KIAA1217: variants seen among roughly 807,000 people sequenced by gnomAD.
KIAA1217 encodes sickle tail protein homolog.
A neutral mutation model predicts 163.9 loss-of-function variants in KIAA1217; 88 were observed. The ratio of observed to expected loss-of-function variants is 0.54; its 90% CI spans 0.45 to 0.64. The LOEUF (loss-of-function observed/expected upper bound fraction) is 0.64. Among genes scored for constraint, KIAA1217 ranks in the 30% least tolerant of loss-of-function variants. The pLI, the probability that KIAA1217 is intolerant of heterozygous loss-of-function variation, is 0.00. For synonymous variants in KIAA1217, 903 were observed against 923.1 expected, an observed-to-expected ratio of 0.98 and a Z score of 0.39; for missense variants, 2,372 against 2,475.0, an observed-to-expected ratio of 0.96 and a Z score of 0.88.
chr10:24,439,237 G>A (rs1046529618), intron 5 of KIAA1217, among the ~76,000 whole-genome samples: 4 of 151,974 alleles, frequency 2.6e-5, no homozygotes, highest in Non-Finnish European at 5.9e-5. Flanking sequence ...AAACTGGGAG[G>A]TAAAAAGAAG....
intron 3 of KIAA1217, among the ~76,000 whole-genome samples, chr10:24,389,841 A>G (rs564292259): frequency 2.6e-5 from 4 of 152,026 alleles, no homozygotes; most frequent in Non-Finnish European, 5.9e-5. Flanking sequence ...GTTTTTTTTC[A>G]GCATTATTTG....
chr10:24,000,328 TAGTG>T (rs1301770989), intron 1 of KIAA1217, among the ~76,000 whole-genome samples: 1 of 152,094 alleles, frequency 6.6e-6, no homozygotes, highest in African/African-American at 2.4e-5. Flanking sequence ...GTTCTAGTAA[TAGTG>T]AGTGATTTAT....
chr10:23,949,442 T>C (rs927827162), intron 1 of KIAA1217, among the ~76,000 whole-genome samples: 8 of 152,232 alleles, frequency 5.3e-5, no homozygotes, highest in African/African-American at 1.7e-4. Context: ...CTGTGTGACA[T>C]ACGCATGGTG....
Position 23,695,251 on chromosome 10 carries a change from T to G in KIAA1217, c.-321+17T>G, listed in dbSNP as rs879531720. ...CGGCCCGAAGTAAGTGCAGCAGAAG[T>G]TTGCGTCGGTTGCCCCGCCGCTCCC... On this transcript the variant is annotated intron_variant, in intron 1 of 18. Coordinates refer to the KIAA1217 transcript ENST00000376462. This position sits in a 1 kb window ranked among gnomAD's most constrained non-coding sequence, Gnocchi z 4.9. 6.6e-6 allele frequency: 1 copy of G among 152,298 alleles called. No homozygotes were observed. Among genetic ancestry groups the G allele is most frequent in the African/African-American group, 2.4e-5 (1 of 41,438 alleles). The allele number at this position is 152,298 out of a possible 1,614,324, so 9.4% of individuals were successfully genotyped here.
intron 2 of KIAA1217, among the ~76,000 whole-genome samples, chr10:24,239,552 C>T (rs1047912494): frequency 6.8e-6 from 1 of 147,858 alleles, no homozygotes; most frequent in Non-Finnish European, 1.5e-5. Flanking sequence ...TGAAAACAAG[C>T]GATGCATTGT....
chr10:23,768,235 T>C (rs1834627826), intron 1 of KIAA1217, among the ~76,000 whole-genome samples: 1 of 152,216 alleles, frequency 6.6e-6, no homozygotes, highest in Non-Finnish European at 1.5e-5. Flanking sequence ...GCATGGTCTC[T>C]TTTATGGTCA....
chr10:23,959,909 T>G lies in KIAA1217; in HGVS notation c.-320-47316T>G, dbSNP rs1273577201. Among the ~76,000 whole-genome samples, 3 of 147,060 alleles carry G rather than the reference T, an allele frequency of 2.0e-5. No individual in the cohort carries two copies. The South Asian group carries it at 6.5e-4, about 32-fold the overall frequency. ...TACTTCAGAGAGGAAGGTCATAGACTTCTTTTTTTTTTTTTTTTTTTTTTG... is the reference window on the plus strand; with the variant it reads ...TACTTCAGAGAGGAAGGTCATAGACGTCTTTTTTTTTTTTTTTTTTTTTTG... On this transcript the variant is annotated intron_variant, in intron 1 of 18. Transcript: ENST00000376462.
intron 1 of KIAA1217, among the ~76,000 whole-genome samples, chr10:23,978,395 T>C (rs1353091211): frequency 6.6e-6 from 1 of 152,200 alleles, no homozygotes; most frequent in Non-Finnish European, 1.5e-5. Flanking sequence ...TTTCTGTGAC[T>C]AGGAAACAAG....
intron 1 of KIAA1217, among the ~76,000 whole-genome samples, chr10:23,949,973 A>G (rs1006124540): frequency 6.6e-6 from 1 of 152,186 alleles, no homozygotes; most frequent in South Asian, 2.1e-4. Context: ...TTGCATGCTT[A>G]TAAGACTCCT....
chr10:24,364,833 A>G (rs1352321819), intron 2 of KIAA1217, among the ~76,000 whole-genome samples: 1 of 149,962 alleles, frequency 6.7e-6, no homozygotes, highest in South Asian at 2.1e-4. Flanking sequence ...TCTGTTGCCC[A>G]AGCTGGAGTA....
At chr10:23,941,796 A>G (rs2131336378) in intron 1 of KIAA1217, among the ~76,000 whole-genome samples, 1 of 152,306 alleles carries the variant, frequency 6.6e-6, no homozygotes, top group Admixed American at 6.5e-5. Context: ...GTCATGTTAG[A>G]GGGCCTTGGT....
At chr10:24,516,725 G>A (rs527499424) in intron 10 of KIAA1217, among the ~76,000 whole-genome samples, 1 of 152,314 alleles carries the variant, frequency 6.6e-6, no homozygotes, top group South Asian at 2.1e-4. Flanking sequence ...CATATGGGAA[G>A]CTACTGTATC....
chr10:24,494,858 G>T (rs2066585073), intron 7 of KIAA1217: 4 of 574,386 alleles, frequency 7.0e-6, no homozygotes. Context: ...AGTGCATGTG[G>T]CTTCATGGAC....
At chr10:23,894,740 A>G (rs1417554630) in intron 1 of KIAA1217, among the ~76,000 whole-genome samples, 12 of 149,676 alleles carry the variant, frequency 8.0e-5, no homozygotes, top group Non-Finnish European at 1.6e-4. Context: ...ACTTCAAACT[A>G]TACTACAAGG....
intron 2 of KIAA1217, among the ~76,000 whole-genome samples, chr10:24,246,818 A>C (rs1329201698): frequency 1.3e-5 from 2 of 152,142 alleles, no homozygotes; most frequent in Admixed American, 1.3e-4. Context: ...GTTTGAGACC[A>C]GCCTGGCCAA....
At chr10:23,962,118 G>T (rs184360730) in intron 1 of KIAA1217, among the ~76,000 whole-genome samples, 1 of 152,224 alleles carries the variant, frequency 6.6e-6, no homozygotes. Flanking sequence ...TGCCCTGGCC[G>T]TCTGGCCGTG....
intron 2 of KIAA1217, among the ~76,000 whole-genome samples, chr10:24,067,843 C>G (rs1048088792): frequency 1.3e-5 from 2 of 152,176 alleles, no homozygotes; most frequent in African/African-American, 4.8e-5. Context: ...TGAGCAATGG[C>G]GGGTGCCCCT....
chr10:24,192,855 C>A (rs11013949), intron 2 of KIAA1217, among the ~76,000 whole-genome samples: 2,115 of 152,308 alleles, frequency 0.014, 44 homozygotes, highest in African/African-American at 0.043. Flanking sequence ...ATCATAGCTC[C>A]CTGTGGCCTC....
intron 2 of KIAA1217, among the ~76,000 whole-genome samples, chr10:24,321,856 T>C (rs1052959503): frequency 6.6e-6 from 1 of 152,166 alleles, no homozygotes; most frequent in African/African-American, 2.4e-5. Context: ...GATGATCACA[T>C]AACAACATGA....
Sources: gnomAD v4.1 joint callset for allele counts (sites outside exome capture counted in the v4.1 genomes callset) on GRCh38, gnomAD v4.1.1 for gene constraint, Gnocchi (gnomAD v3.1) non-coding constraint, MANE v1.5 for transcripts, NCBI Gene and HGNC (gene_info 2026-07-23, HGNC 2026-07-21) for gene names.